Variants in APP observed in about 807,000 individuals in gnomAD.
The protein encoded by APP is amyloid beta precursor protein, also known as amyloid-beta precursor protein.
In APP, 31 loss-of-function variants were observed where a neutral mutation model predicts 101.4. The observed-to-expected ratio is 0.31, with a 90% CI of 0.23 to 0.41. The LOEUF (loss-of-function observed/expected upper bound fraction) is 0.41. Among genes scored for constraint, APP ranks in the 10% least tolerant of loss-of-function variants. The pLI is 1.00. For missense variants in APP, 839 were observed against 1,003.7 expected (o/e 0.84, Z 2.22); for synonymous variants, 366 against 364.4 (o/e 1.00, Z -0.05).
Position 26,119,273 on chromosome 21 carries a change from T to A in APP, c.58-7127A>T, listed in dbSNP as rs377748175. ...TAATTTTTCCCCCATGGCAGTACTA[T>A]TTTGCATGTCTTTGTTACTGGCTTT... On this transcript the variant is annotated intron_variant, in intron 1 of 17. Coordinates refer to ENST00000346798, the MANE Select transcript of APP (RefSeq NM_000484.4). Among the ~76,000 whole-genome samples the A allele has an allele frequency of 9.8e-5, 15 of 152,342 alleles. No homozygotes were observed. The South Asian group carries it at 3.1e-3, about 32-fold the overall frequency.
At chr21:26,153,082 G>T (rs569228206) in intron 1 of APP, among the ~76,000 whole-genome samples, 1 of 152,288 alleles carries the variant, frequency 6.6e-6, no homozygotes, top group Admixed American at 6.5e-5. Context: ...TTATAAGTGG[G>T]AACTAAGTTA....
At chr21:26,084,920 T>C (rs1450829922) in intron 3 of APP, among the ~76,000 whole-genome samples, 2 of 152,252 alleles carry the variant, frequency 1.3e-5, no homozygotes, top group South Asian at 2.1e-4. Flanking sequence ...GTGTCGACTT[T>C]CAAGTCTTTT....
chr21:26,048,600 T>C (rs1452789810), intron 5 of APP, among the ~76,000 whole-genome samples: 2 of 152,200 alleles, frequency 1.3e-5, no homozygotes, highest in Non-Finnish European at 2.9e-5. Flanking sequence ...CTTTGTCTAA[T>C]ATTTATTGAG....
At chr21:26,112,244 GCTC>G in intron 1 of APP, 98 bp from the exon 2 acceptor site, 1 of 1,307,634 alleles carries the variant, frequency 7.6e-7, no homozygotes, top group South Asian at 1.2e-5. Context: ...TTCTATTCTT[GCTC>G]ATTCTCAATT....
intron 15 of APP, among the ~76,000 whole-genome samples, chr21:25,904,246 G>C (rs1036049781): frequency 6.6e-6 from 1 of 152,156 alleles, no homozygotes; most frequent in Admixed American, 6.5e-5. Context: ...TATCAGTTGG[G>C]TGAGGTTGTT....
At chr21:26,111,220 G>A (rs892603864) in intron 2 of APP, among the ~76,000 whole-genome samples, 2 of 151,470 alleles carry the variant, frequency 1.3e-5, no homozygotes, top group African/African-American at 2.4e-5. Context: ...TATCAATAGA[G>A]AATGAGTGAA....
intron 11 of APP, among the ~76,000 whole-genome samples, chr21:25,967,385 G>C (rs1313842602): frequency 6.6e-6 from 1 of 152,194 alleles, no homozygotes; most frequent in Non-Finnish European, 1.5e-5. Context: ...CTTCCCTTTA[G>C]AAAATGCAGT....
intron 8 of APP, among the ~76,000 whole-genome samples, chr21:25,983,989 T>C (rs528335410): frequency 6.6e-6 from 1 of 152,198 alleles, no homozygotes; most frequent in Non-Finnish European, 1.5e-5. Context: ...AATTTTTTTA[T>C]CAAGTGGTGA....
At chr21:25,936,743 T>C (rs577493492) in intron 13 of APP, among the ~76,000 whole-genome samples, 1 of 152,232 alleles carries the variant, frequency 6.6e-6, no homozygotes, top group Non-Finnish European at 1.5e-5. Context: ...GGATTCAGTC[T>C]GTGGTATTTT....
At chr21:26,073,048 T>A (rs2061435958) in intron 3 of APP, among the ~76,000 whole-genome samples, 1 of 152,082 alleles carries the variant, frequency 6.6e-6, no homozygotes, top group East Asian at 1.9e-4. Context: ...GTAAATAGTA[T>A]GTATGAGGCC....
intron 16 of APP, 122 bp downstream of exon 16, chr21:25,897,451 T>C (rs2038146978): frequency 1.2e-6 from 1 of 833,436 alleles, no homozygotes; most frequent in Non-Finnish European, 2.1e-6. Context: ...ATGGTAATCC[T>C]ATAGGCAAGC....
Position 26,127,649 on chromosome 21 carries a change from T to C in APP, c.58-15503A>G, listed in dbSNP as rs146754161. Among the ~76,000 whole-genome samples the C allele has an allele frequency of 1.9e-3, 285 of 152,292 alleles. 12 individuals are homozygous for C. In the East Asian group the frequency reaches 0.049, roughly 26 times the overall value. ...ACACATGAAAGTACCAATATGATCTTTGGAATCAAAAGGCAAAAGTCAATT... is the reference window on the plus strand; with the variant it reads ...ACACATGAAAGTACCAATATGATCTCTGGAATCAAAAGGCAAAAGTCAATT... On this transcript the variant is annotated intron_variant, in intron 1 of 17. Coordinates refer to ENST00000346798, the MANE Select transcript of APP (RefSeq NM_000484.4).
intron 11 of APP, among the ~76,000 whole-genome samples, chr21:25,963,401 C>CCGTTTCTTATGGAAGGCAGTGA: frequency 6.6e-6 from 1 of 152,090 alleles, no homozygotes; most frequent in Non-Finnish European, 1.5e-5. Flanking sequence ...TGCCCTAAAC[C>CCGTTTCTTATGGAAGGCAGTGA]CGTTTCTTAT....
chr21:26,020,082 C>T (rs1014655188), intron 6 of APP, among the ~76,000 whole-genome samples: 7 of 152,170 alleles, frequency 4.6e-5, no homozygotes, highest in South Asian at 2.1e-4. Context: ...TTTAAGCTAA[C>T]GCTGAGTGTT....
chr21:25,953,803 T>A (rs140061639), intron 13 of APP, among the ~76,000 whole-genome samples: 109 of 152,288 alleles, frequency 7.2e-4, no homozygotes, highest in African/African-American at 2.5e-3. Context: ...AAATCATTAG[T>A]CATTAGGAAA....
intron 10 of APP, among the ~76,000 whole-genome samples, chr21:25,975,744 G>A (rs530908107): frequency 6.6e-6 from 1 of 152,292 alleles, no homozygotes; most frequent in African/African-American, 2.4e-5. Context: ...TGAGTTTTAT[G>A]GCAATGAATT....
At chr21:26,037,987 A>C (rs1485241261) in intron 5 of APP, among the ~76,000 whole-genome samples, 1 of 152,160 alleles carries the variant, frequency 6.6e-6, no homozygotes, top group Non-Finnish European at 1.5e-5. Flanking sequence ...TTTAAATATA[A>C]AATTGAAGAT....
chr21:25,952,336 G>A (rs1311953006), intron 13 of APP, among the ~76,000 whole-genome samples: 1 of 150,690 alleles, frequency 6.6e-6, no homozygotes, highest in Non-Finnish European at 1.5e-5. Flanking sequence ...CCATGTTGGT[G>A]TGCTGCACCC....
chr21:25,996,324 T>C (rs1352511413), intron 8 of APP, among the ~76,000 whole-genome samples: 1 of 152,192 alleles, frequency 6.6e-6, no homozygotes, highest in Admixed American at 6.5e-5. Flanking sequence ...TGTCTAAAAG[T>C]GACCCTTCAT....
Sources: allele counts gnomAD v4.1 joint callset (sites outside exome capture counted in the v4.1 genomes callset), GRCh38; gene constraint gnomAD v4.1.1; transcripts MANE v1.5; gene names NCBI Gene and HGNC (gene_info 2026-07-23, HGNC 2026-07-21).